CMSS1: variants seen among roughly 807,000 people sequenced by gnomAD.
The protein encoded by CMSS1 is protein CMSS1.
A neutral mutation model predicts 43.5 loss-of-function variants in CMSS1; 33 were observed. The ratio of observed to expected loss-of-function variants is 0.76; its 90% CI spans 0.57 to 1.01. The LOEUF (loss-of-function observed/expected upper bound fraction) is 1.01. Ranked by LOEUF, CMSS1 falls within the 50% of genes least tolerant of loss-of-function variation. The pLI is 0.00. For missense variants in CMSS1, 313 were observed against 326.4 expected, an observed-to-expected ratio of 0.96 and a Z score of 0.32; for synonymous variants, 115 against 117.2, an observed-to-expected ratio of 0.98 and a Z score of 0.12.
intron 1 of CMSS1, among the ~76,000 whole-genome samples, chr3:100,110,279 G>A (rs1043763812): frequency 6.6e-6 from 1 of 152,134 alleles, no homozygotes; most frequent in Admixed American, 6.6e-5. Context: ...GCTGAAACAA[G>A]GAGCTGGTGT....
intron 1 of CMSS1, among the ~76,000 whole-genome samples, chr3:99,884,035 T>G (rs1705815849): frequency 6.6e-6 from 1 of 152,166 alleles, no homozygotes; most frequent in Admixed American, 6.5e-5. Context: ...TGCTATTTAG[T>G]TCATTGGACT....
chr3:100,012,688 A>T (rs1259571300), intron 1 of CMSS1, among the ~76,000 whole-genome samples: 1 of 151,972 alleles, frequency 6.6e-6, no homozygotes, highest in East Asian at 1.9e-4. Flanking sequence ...CCCAATTATA[A>T]AATCAGTTGA....
intron 1 of CMSS1, among the ~76,000 whole-genome samples, chr3:99,872,013 C>G (rs991960571): frequency 3.3e-5 from 5 of 151,948 alleles, no homozygotes; most frequent in Non-Finnish European, 1.5e-5. Context: ...GATTTTATAT[C>G]TAAATTAACA....
intron 1 of CMSS1, among the ~76,000 whole-genome samples, chr3:100,016,049 A>G (rs1243204372): frequency 6.6e-6 from 1 of 152,122 alleles, no homozygotes; most frequent in Non-Finnish European, 1.5e-5. Flanking sequence ...CCTTTTTTAG[A>G]TGACCCAAGA....
chr3:99,867,205 C>T (rs554369783), intron 1 of CMSS1, among the ~76,000 whole-genome samples: 2 of 152,180 alleles, frequency 1.3e-5, no homozygotes, highest in Non-Finnish European at 2.9e-5. Context: ...TCTCTTGGCC[C>T]TGGGTCTGCT....
At chr3:100,041,695 A>G (rs999944340) in intron 1 of CMSS1, among the ~76,000 whole-genome samples, 1 of 152,254 alleles carries the variant, frequency 6.6e-6, no homozygotes, top group African/African-American at 2.4e-5. Flanking sequence ...AAGGGGGATA[A>G]GTGCAGATAT....
intron 1 of CMSS1, among the ~76,000 whole-genome samples, chr3:100,028,953 T>C (rs1216255580): frequency 6.6e-6 from 1 of 152,172 alleles, no homozygotes; most frequent in Non-Finnish European, 1.5e-5. Context: ...ATCCTGTTGA[T>C]GTTTTACAAG....
rs368613971 is a variant in CMSS1, at chr3:100,130,152, G to T, written c.65-16821G>T. 1.1e-4 allele frequency among the ~76,000 whole-genome samples: 17 copies of T among 152,272 alleles called. No individual in the cohort carries two copies. The East Asian group carries it at 2.9e-3, about 26-fold the overall frequency. On this transcript the variant is annotated intron_variant, in intron 1 of 9. Coordinates refer to ENST00000421999, the MANE Select transcript of CMSS1 (RefSeq NM_032359.4). ...TTTCCCCTTTTAAAACAGAAATGGG[G>T]AAACAGCTGTTCCATTCCTATAAAG...
chr3:99,944,350 A>G (rs774139271), intron 1 of CMSS1, among the ~76,000 whole-genome samples: 6 of 152,328 alleles, frequency 3.9e-5, no homozygotes, highest in Non-Finnish European at 7.4e-5. Flanking sequence ...TCTTGGTCCA[A>G]GCTGGCTACA....
intron 1 of CMSS1, among the ~76,000 whole-genome samples, chr3:100,117,174 G>A (rs955715241): frequency 3.9e-5 from 6 of 152,060 alleles, no homozygotes; most frequent in African/African-American, 1.5e-4. Context: ...TAATCTAGTG[G>A]ATTATTTTTA....
At chr3:100,082,143 A>ATTT (rs1209612937) in intron 1 of CMSS1, among the ~76,000 whole-genome samples, 1 of 152,262 alleles carries the variant, frequency 6.6e-6, no homozygotes, top group African/African-American at 2.4e-5. Flanking sequence ...CAAAATACAA[A>ATTT]CAACTCTTTA....
intron 1 of CMSS1, among the ~76,000 whole-genome samples, chr3:99,827,441 C>A (rs1027686067): frequency 3.9e-5 from 6 of 152,180 alleles, no homozygotes; most frequent in African/African-American, 1.4e-4. Context: ...ATCTGCCCGC[C>A]TTGGCCTCCC....
chr3:99,886,413 GA>G (rs558855699), intron 1 of CMSS1, among the ~76,000 whole-genome samples: 2,472 of 142,660 alleles, frequency 0.017, 53 homozygotes, highest in African/African-American at 0.056. Context: ...TACCTGATGA[GA>G]AAAAAAAAAA....
chr3:100,039,447 A>G (rs2065164065), intron 1 of CMSS1, among the ~76,000 whole-genome samples: 1 of 152,330 alleles, frequency 6.6e-6, no homozygotes, highest in Non-Finnish European at 1.5e-5. Flanking sequence ...GTTCTACAAA[A>G]ATACCAACTT....
intron 1 of CMSS1, among the ~76,000 whole-genome samples, chr3:100,099,473 G>A (rs1383983687): frequency 6.6e-6 from 1 of 152,166 alleles, no homozygotes; most frequent in Non-Finnish European, 1.5e-5. Context: ...TTGTAGCTAG[G>A]ATGGTAGGAA....
chr3:100,162,978 G>GA lies in CMSS1; in HGVS notation c.355+554dup, dbSNP rs1479813936. Among the ~76,000 whole-genome samples, 9 of 151,156 alleles carry GA rather than the reference G, an allele frequency of 6.0e-5. No homozygotes were observed. The East Asian group carries it at 1.5e-3, about 26-fold the overall frequency. On this transcript the variant is annotated intron_variant, in intron 4 of 9. Coordinates refer to ENST00000421999, the MANE Select transcript of CMSS1 (RefSeq NM_032359.4). ...GGACAGAGCGAGACTCCATCTCAAA[G>GA]AAAAAAAAGAAACATAATACTTCTT...
At chr3:100,095,040 G>A (rs2066180518) in intron 1 of CMSS1, among the ~76,000 whole-genome samples, 1 of 152,122 alleles carries the variant, frequency 6.6e-6, no homozygotes, top group Non-Finnish European at 1.5e-5. Flanking sequence ...GAAAAACCAG[G>A]CAGGCATATT....
intron 1 of CMSS1, among the ~76,000 whole-genome samples, chr3:99,829,652 G>A (rs755751471): frequency 1.3e-5 from 2 of 152,136 alleles, no homozygotes; most frequent in East Asian, 1.9e-4. Flanking sequence ...ACTGATTTTC[G>A]ATAGTGTTTA....
intron 1 of CMSS1, among the ~76,000 whole-genome samples, chr3:99,875,294 T>G (rs112259847): frequency 6.6e-6 from 1 of 152,354 alleles, no homozygotes; most frequent in Non-Finnish European, 1.5e-5. Context: ...TAGATGTAAC[T>G]AATTATGGTT....
Sources: allele counts gnomAD v4.1 joint callset (sites outside exome capture counted in the v4.1 genomes callset), GRCh38; gene constraint gnomAD v4.1.1; transcripts MANE v1.5; gene names NCBI Gene and HGNC (gene_info 2026-07-23, HGNC 2026-07-21).